The following RIPOR3 variants were observed in gnomAD, a reference collection of about 807,000 sequenced individuals.
The protein encoded by RIPOR3 is RIPOR family member 3, also known as family with sequence similarity 65 member C.
A neutral mutation model predicts 114.3 loss-of-function variants in RIPOR3; 95 were observed. The ratio of observed to expected loss-of-function variants is 0.83; its 90% confidence interval spans 0.70 to 0.99. The LOEUF (loss-of-function observed/expected upper bound fraction) is 0.99, where lower values mean the gene tolerates loss of function less well. RIPOR3 is among the 50% of genes least tolerant of loss of function. The pLI is 0.00. For synonymous variants in RIPOR3, 575 were observed against 543.8 expected (o/e 1.06, Z -0.80); for missense variants, 1,252 against 1,266.9 (o/e 0.99, Z 0.18).
At chr20:50,610,219 A>ACCTGCCTCT (rs1411237401) in intron 6 of RIPOR3, among the ~76,000 whole-genome samples, 1 of 135,946 alleles carries the variant, frequency 7.4e-6, no homozygotes, top group African/African-American at 2.8e-5. Context: ...ACCCTGTCTC[A>ACCTGCCTCT]CCTGCCTCTC....
intron 4 of RIPOR3, among the ~76,000 whole-genome samples, chr20:50,612,862 G>T (rs1182365259): frequency 6.6e-6 from 1 of 152,202 alleles, no homozygotes; most frequent in African/African-American, 2.4e-5. Context: ...GGAGGCCAAG[G>T]CAGGAGGATC....
At chr20:50,682,612 A>ATGTGTGTGTGTGTGTTTGTGTG (rs1555877414) in intron 1 of RIPOR3, among the ~76,000 whole-genome samples, 2 of 146,792 alleles carry the variant, frequency 1.4e-5, no homozygotes, top group African/African-American at 5.0e-5. Context: ...GTCTCAAAAT[A>ATGTGTGTGTGTGTGTTTGTGTG]TGTGTGTGTG....
intron 1 of RIPOR3, among the ~76,000 whole-genome samples, chr20:50,666,181 C>CCATTTCTTTTTTCTTTTCTTTTCTTTT (rs2086188131): frequency 6.7e-5 from 1 of 14,926 alleles, no homozygotes. Flanking sequence ...GAAAGGACAC[C>CCATTTCTTTTTTCTTTTCTTTTCTTTT]CATTTCTTTT....
chr20:50,604,874 T>G, intron 11 of RIPOR3, 100 bp from the exon 12 acceptor site: 1 of 1,409,932 alleles, frequency 7.1e-7, no homozygotes, highest in Admixed American at 2.4e-5. Context: ...GTAGATGGTC[T>G]TCATCTTACA....
chr20:50,635,965 C>T (rs2084971932), intron 1 of RIPOR3, among the ~76,000 whole-genome samples: 1 of 152,172 alleles, frequency 6.6e-6, no homozygotes, highest in Non-Finnish European at 1.5e-5. Context: ...GGGTGGTGGC[C>T]GAGAAAAATC....
chr20:50,649,306 G>A (rs2085520123), intron 1 of RIPOR3, among the ~76,000 whole-genome samples: 1 of 152,152 alleles, frequency 6.6e-6, no homozygotes, highest in South Asian at 2.1e-4. Flanking sequence ...TTAGCCAGGG[G>A]TGGTGGTGGG....
At chr20:50,634,485 G>A (rs1340884114) in intron 1 of RIPOR3, among the ~76,000 whole-genome samples, 2 of 152,110 alleles carry the variant, frequency 1.3e-5, no homozygotes, top group African/African-American at 4.8e-5. Context: ...ATAGTGGACT[G>A]TGAATGGTGA....
rs11907655 is a variant in RIPOR3, at chr20:50,639,465, C to A, written c.4-8609G>T. On this transcript the variant is annotated intron_variant, in intron 1 of 21. Transcript: ENST00000327979. ...CCTCTCACTCACCCCCACAGCTCCC[C>A]GGGGGCAGGGCACTGTTACCATTGT... Among the ~76,000 whole-genome samples, 1,472 of 152,208 alleles carry A rather than the reference C, an allele frequency of 9.7e-3. 12 individuals are homozygous for A. Among genetic ancestry groups the A allele is most frequent in the Middle Eastern group, 0.017 (5 of 294 alleles).
intron 11 of RIPOR3, 117 bp downstream of exon 11, chr20:50,608,272 G>A (rs943884908): frequency 4.5e-5 from 65 of 1,452,904 alleles, no homozygotes; most frequent in Middle Eastern, 2.2e-4. Context: ...ATGAGGACCC[G>A]TGAGGGCAGG....
intron 2 of RIPOR3, among the ~76,000 whole-genome samples, chr20:50,628,461 T>G (rs1337449644): frequency 6.6e-6 from 1 of 152,122 alleles, no homozygotes; most frequent in Non-Finnish European, 1.5e-5. Context: ...CCAGGACATC[T>G]GCACTCGCAG....
intron 4 of RIPOR3, among the ~76,000 whole-genome samples, chr20:50,612,478 C>T (rs908012339): frequency 2.0e-5 from 3 of 152,046 alleles, no homozygotes; most frequent in African/African-American, 7.2e-5. Flanking sequence ...ATTAGAGTCA[C>T]TATGTCTGAG....
chr20:50,590,955 C>T (rs6020620), intron 19 of RIPOR3, among the ~76,000 whole-genome samples: 1 of 152,092 alleles, frequency 6.6e-6, no homozygotes. Flanking sequence ...CAAAATACAC[C>T]TGACTTCAGT....
intron 1 of RIPOR3, among the ~76,000 whole-genome samples, chr20:50,650,555 T>C (rs913135573): frequency 4.6e-5 from 7 of 152,156 alleles, no homozygotes; most frequent in African/African-American, 1.7e-4. Flanking sequence ...TTGCCCACGT[T>C]GGCCTCCCAA....
At position 50,595,413 on chromosome 20, in the gene RIPOR3, A is replaced by C; in HGVS notation, c.2006T>G (p.Val669Gly). 1 of 1,614,196 alleles carries C rather than the reference A, an allele frequency of 6.2e-7. No individual in the cohort carries two copies. Among genetic ancestry groups the C allele is most frequent in the Non-Finnish European group, 8.5e-7 (1 of 1,180,030 alleles). The part of the protein sequence containing the change: ...QQKHVLETLS[V>G]LDFEKVGKAT... ...CTTGCCGACCTTCTCAAAGTCAAGG[A>C]CAGAAAGTGTCTCCAGAACGTGCTT... Residue 669 changes from valine (V) to glycine (G), a missense_variant, in exon 16 of 22, where the codon GTC becomes GGC. By Grantham distance (109) the Val-to-Gly change is moderately radical (BLOSUM62 -3). Transcript: ENST00000327979.
chr20:50,595,544 T>C (rs1194426358), intron 15 of RIPOR3, 40 bp from the exon 16 acceptor site: 3 of 1,605,360 alleles, frequency 1.9e-6, no homozygotes, highest in East Asian at 2.2e-5. Flanking sequence ...GCATGGAACA[T>C]GCCCACCGAG....
intron 19 of RIPOR3, among the ~76,000 whole-genome samples, chr20:50,590,484 T>C (rs1422986814): frequency 6.6e-6 from 1 of 151,214 alleles, no homozygotes; most frequent in Non-Finnish European, 1.5e-5. Flanking sequence ...AGGTGTAGAG[T>C]TGGCTCCAGG....
rs1348205201 is a variant in RIPOR3 at position 50,589,680 on chromosome 20, G to T, written c.2661+6C>A. ...TCAGCCACTAATGGGGAAACGTCAG[G>T]CTCACCTTGAGGTGTTTGAGCGCTA... On this transcript the variant is annotated splice_donor_region_variant and intron_variant, in intron 20 of 21. Coordinates refer to ENST00000327979, the MANE Select transcript of RIPOR3 (RefSeq NM_001290268.2). The T allele has an allele frequency of 1.2e-6, 2 of 1,613,414 alleles. No individual in the cohort carries two copies. Among genetic ancestry groups the T allele is most frequent in the Non-Finnish European group, 1.7e-6 (2 of 1,179,626 alleles).
Position 50,655,669 on chromosome 20 carries a change from C to CTGTGTGTG in RIPOR3, c.4-24821_4-24814dup, listed in dbSNP as rs11469999. On this transcript the variant is annotated intron_variant, in intron 1 of 21. Coordinates refer to ENST00000327979, the MANE Select transcript of RIPOR3 (RefSeq NM_001290268.2). ...TCCCTCCTGTCTCGGTTAGCGTGGG[C>CTGTGTGTG]TGTGTGTGTGTGTGTGTGTGTGTGT... Among the ~76,000 whole-genome samples the CTGTGTGTG allele has an allele frequency of 3.4e-3, 492 of 145,280 alleles. 3 individuals carry two copies. Among genetic ancestry groups the CTGTGTGTG allele is most frequent in the African/African-American group, 0.011 (440 of 39,420 alleles).
chr20:50,618,061 C>T (rs2084244413), intron 3 of RIPOR3, among the ~76,000 whole-genome samples: 1 of 151,736 alleles, frequency 6.6e-6, no homozygotes, highest in Non-Finnish European at 1.5e-5. Flanking sequence ...GTCAGGAGTT[C>T]AAGACCATCC....
Sources: allele counts gnomAD v4.1 joint callset (sites outside exome capture counted in the v4.1 genomes callset), GRCh38; gene constraint gnomAD v4.1.1; transcripts MANE v1.5; gene names NCBI Gene and HGNC (gene_info 2026-07-23, HGNC 2026-07-21).